The following APOLD1 variants were observed in gnomAD, a reference collection of about 807,000 sequenced individuals.
The protein encoded by APOLD1 is apolipoprotein L domain containing 1, also known as apolipoprotein L domain-containing protein 1.
Under a neutral mutation model 15.3 loss-of-function variants are expected in APOLD1, and 22 were observed. The ratio of observed to expected loss-of-function variants is 1.44; its 90% confidence interval spans 1.03 to 2.05. The LOEUF is 2.05. Among genes scored for constraint, APOLD1 ranks in the 30% most tolerant of loss-of-function variants. APOLD1 has a pLI of 0.00. For synonymous variants in APOLD1, 190 were observed against 167.4 expected, an observed-to-expected ratio of 1.13 and a Z score of -1.04; for missense variants, 394 against 353.5, an observed-to-expected ratio of 1.11 and a Z score of -0.92.
At chr12:12,745,224 T>C (rs1946756543) in intron 1 of APOLD1, among the ~76,000 whole-genome samples, 1 of 151,980 alleles carries the variant, frequency 6.6e-6, no homozygotes, top group South Asian at 2.1e-4. Flanking sequence ...TGAGGAGATA[T>C]TTGAAAGAGA....
intron 1 of APOLD1, among the ~76,000 whole-genome samples, chr12:12,776,003 C>CAAA (rs34623976): frequency 0.3 from 18,674 of 61,770 alleles, 4,037 homozygotes; most frequent in Non-Finnish European, 0.39. Context: ...GACCCAGTCT[C>CAAA]AAAAAAAAAA....
chr12:12,768,524 C>T (rs115281129), intron 1 of APOLD1, among the ~76,000 whole-genome samples: 3 of 152,028 alleles, frequency 2.0e-5, no homozygotes, highest in African/African-American at 7.2e-5. Context: ...GTGTCATGCA[C>T]CTGTGGAGTC....
intron 1 of APOLD1, among the ~76,000 whole-genome samples, chr12:12,760,511 C>T (rs867507870): frequency 6.6e-6 from 1 of 151,648 alleles, no homozygotes; most frequent in Non-Finnish European, 1.5e-5. Context: ...TGGTTCTGGG[C>T]GCCTATAATC....
At chr12:12,746,557 T>C (rs1049168519) in intron 1 of APOLD1, among the ~76,000 whole-genome samples, 14 of 148,660 alleles carry the variant, frequency 9.4e-5, no homozygotes, top group Non-Finnish European at 1.8e-4. Flanking sequence ...ATGGTGAACA[T>C]GTGCATGACT....
intron 1 of APOLD1, among the ~76,000 whole-genome samples, chr12:12,775,700 C>T (rs903107038): frequency 1.3e-5 from 2 of 152,134 alleles, no homozygotes; most frequent in African/African-American, 4.8e-5. Flanking sequence ...ACCATAGAAA[C>T]TACATTTTTT....
intron 1 of APOLD1, among the ~76,000 whole-genome samples, chr12:12,760,823 T>A (rs575605302): frequency 3.2e-4 from 49 of 152,296 alleles, no homozygotes; most frequent in African/African-American, 1.1e-3. Flanking sequence ...CCCCAACATA[T>A]GAAAGTTACT....
intron 1 of APOLD1, among the ~76,000 whole-genome samples, chr12:12,774,926 A>G (rs1039097474): frequency 2.6e-5 from 4 of 152,208 alleles, no homozygotes; most frequent in Admixed American, 2.6e-4. Context: ...TCTCGTCATA[A>G]GATCCAGCAG....
chr12:12,787,020 C>A lies in APOLD1; in HGVS notation c.115C>A (p.Arg39Ser). Residue 39 changes from arginine to serine, a missense_variant, in exon 2 of 2, where the codon CGC (arginine) becomes AGC (serine). Physicochemically the swap from Arg to Ser is moderately radical, Grantham distance 110 (BLOSUM62 -1). Coordinates refer to ENST00000356591, the MANE Select transcript of APOLD1 (RefSeq NM_030817.3). This position sits in a 1 kb window ranked among gnomAD's most constrained non-coding sequence, Gnocchi z 4.9. ...GRLHGQVLRL[R>S]EVARRLERLR... ...GCTGCACGGCCAGGTGCTGCGCCTG[C>A]GCGAGGTGGCCCGGCGCCTGGAGCG... 7.2e-7 allele frequency: 1 copy of A among 1,384,924 alleles called. No homozygotes were observed. The highest frequency in any genetic ancestry group is 3.0e-5 in the East Asian group (1 of 32,994). The allele number at this position is 1,384,924 out of a possible 1,614,324, so 85.8% of individuals were successfully genotyped here.
At chr12:12,753,015 AGGGG>A (rs1221476578) in intron 1 of APOLD1, among the ~76,000 whole-genome samples, 4 of 152,098 alleles carry the variant, frequency 2.6e-5, no homozygotes. Flanking sequence ...ACCTGGGAGG[AGGGG>A]GGTGCACTCA....
intron 1 of APOLD1, among the ~76,000 whole-genome samples, chr12:12,751,865 G>A (rs1353492681): frequency 6.6e-6 from 1 of 152,228 alleles, no homozygotes; most frequent in Admixed American, 6.5e-5. Flanking sequence ...GACAGAGGAA[G>A]AGTCAGTAAA....
intron 1 of APOLD1, among the ~76,000 whole-genome samples, chr12:12,745,538 A>G (rs1946759394): frequency 1.3e-5 from 2 of 152,148 alleles, no homozygotes; most frequent in South Asian, 4.1e-4. Context: ...AGAAAAGAAA[A>G]GACTGAAGAG....
intron 1 of APOLD1, among the ~76,000 whole-genome samples, chr12:12,744,069 A>G (rs1223699725): frequency 6.6e-6 from 1 of 152,106 alleles, no homozygotes; most frequent in East Asian, 1.9e-4. Flanking sequence ...TAATCCCAAC[A>G]CTTTGGGAGG....
At chr12:12,753,392 G>A (rs1946828765) in intron 1 of APOLD1, among the ~76,000 whole-genome samples, 1 of 152,238 alleles carries the variant, frequency 6.6e-6, no homozygotes, top group African/African-American at 2.4e-5. Flanking sequence ...GGGGTTGGGT[G>A]TGATGGCTCA....
chr12:12,751,528 T>C (rs1047254018), intron 1 of APOLD1, among the ~76,000 whole-genome samples: 1 of 152,114 alleles, frequency 6.6e-6, no homozygotes, highest in Non-Finnish European at 1.5e-5. Context: ...TTTTTAAATT[T>C]TCAGAAGAGA....
intron 1 of APOLD1, chr12:12,726,115 G>A (rs1234895956): frequency 4.2e-6 from 6 of 1,432,874 alleles, no homozygotes; most frequent in Non-Finnish European, 5.6e-6. Flanking sequence ...GGGGAGTGCG[G>A]GAGGGTGGAG....
At chr12:12,774,439 G>A (rs1366462067) in intron 1 of APOLD1, among the ~76,000 whole-genome samples, 11 of 150,344 alleles carry the variant, frequency 7.3e-5, no homozygotes, top group Non-Finnish European at 1.2e-4. Context: ...CCAGCTACTC[G>A]GGAGGCTGAG....
intron 1 of APOLD1, among the ~76,000 whole-genome samples, chr12:12,765,555 A>G (rs551939084): frequency 5.9e-5 from 9 of 152,342 alleles, no homozygotes; most frequent in African/African-American, 2.2e-4. Context: ...TTAGAAATCT[A>G]TGTTAATTCT....
upstream of APOLD1, among the ~76,000 whole-genome samples, chr12:12,781,735 G>A (rs1235227352): frequency 1.3e-5 from 2 of 151,026 alleles, no homozygotes; most frequent in Non-Finnish European, 2.9e-5. Flanking sequence ...CACCATGTTA[G>A]CCAGAATGGT....
intron 1 of APOLD1, among the ~76,000 whole-genome samples, chr12:12,774,250 A>C (rs1947010938): frequency 1.3e-5 from 2 of 152,134 alleles, no homozygotes; most frequent in Admixed American, 6.5e-5. Context: ...AACAATAAGA[A>C]GAAAAAGAAC....
Sources: gnomAD v4.1 joint callset for allele counts (sites outside exome capture counted in the v4.1 genomes callset) on GRCh38, gnomAD v4.1.1 for gene constraint, Gnocchi (gnomAD v3.1) non-coding constraint, MANE v1.5 for transcripts, NCBI Gene and HGNC (gene_info 2026-07-23, HGNC 2026-07-21) for gene names.